Variants in CSMD1 observed in about 807,000 individuals in gnomAD.
CSMD1 encodes CUB and Sushi multiple domains 1, also known as CUB and sushi domain-containing protein 1.
In CSMD1, 213 loss-of-function variants were observed where a neutral mutation model predicts 417.5. The observed-to-expected ratio is 0.51, with a 90% CI of 0.46 to 0.57. CSMD1 has a LOEUF of 0.57. Ranked by LOEUF, CSMD1 falls within the 20% of genes least tolerant of loss-of-function variation. The pLI, the probability that CSMD1 is intolerant of heterozygous loss-of-function variation, is 0.00. For missense variants in CSMD1, 6,923 were observed against 4,529.7 expected (o/e 1.53, Z -15.17); for synonymous variants, 2,862 against 1,736.8 (o/e 1.65, Z -16.11).
chr8:3,771,053 T>C lies in CSMD1; in HGVS notation c.819-17011A>G, dbSNP rs1461018091. On this transcript the variant is annotated intron_variant, in intron 5 of 69. Transcript: ENST00000635120. ...GTCTGCGTGCGTGTGTGTGTTTCAT[T>C]TGCATGTCTGTGGTGGACAATAGTC... Among the ~76,000 whole-genome samples, 4 of 152,136 alleles carry C rather than the reference T, an allele frequency of 2.6e-5. No individual in the cohort carries two copies. In the East Asian group the frequency reaches 7.7e-4, roughly 29 times the overall value.
At chr8:3,373,200 G>A (rs764589519) in intron 18 of CSMD1, among the ~76,000 whole-genome samples, 4 of 152,096 alleles carry the variant, frequency 2.6e-5, no homozygotes, top group Admixed American at 1.3e-4. Context: ...TTTATCCTCT[G>A]TCTTCATATC....
chr8:3,674,149 G>A (rs1486330757), intron 7 of CSMD1, among the ~76,000 whole-genome samples: 1 of 152,130 alleles, frequency 6.6e-6, no homozygotes, highest in Non-Finnish European at 1.5e-5. Flanking sequence ...ATTTGTCAAT[G>A]TTGAGCAACA....
chr8:3,318,553 C>T (rs1435811889), intron 23 of CSMD1, among the ~76,000 whole-genome samples: 1 of 152,190 alleles, frequency 6.6e-6, no homozygotes, highest in Non-Finnish European at 1.5e-5. Context: ...ATTAATTCAA[C>T]ACATACTTAT....
chr8:4,046,671 G>C (rs892807260), intron 3 of CSMD1, among the ~76,000 whole-genome samples: 12 of 152,134 alleles, frequency 7.9e-5, no homozygotes, highest in African/African-American at 2.9e-4. Flanking sequence ...CACTGGGAAT[G>C]TTTATTTCCA....
At chr8:3,791,038 G>C (rs1156605201) in intron 5 of CSMD1, among the ~76,000 whole-genome samples, 1 of 152,148 alleles carries the variant, frequency 6.6e-6, no homozygotes, top group Non-Finnish European at 1.5e-5. Context: ...CTAAAACCAT[G>C]ATCATTTTTA....
At chr8:4,549,349 G>T (rs1797766440) in intron 2 of CSMD1, among the ~76,000 whole-genome samples, 1 of 152,276 alleles carries the variant, frequency 6.6e-6, no homozygotes, top group East Asian at 1.9e-4. Context: ...CAAGAAAAAT[G>T]ACTCTCTAAT....
intron 50 of CSMD1, among the ~76,000 whole-genome samples, chr8:3,032,563 G>T (rs947698619): frequency 6.6e-6 from 1 of 152,014 alleles, no homozygotes; most frequent in Non-Finnish European, 1.5e-5. Context: ...AGAGGGTACT[G>T]AATTCAAATA....
At chr8:3,671,115 ATATGGGATATATATG>A (rs1339944996) in intron 7 of CSMD1, among the ~76,000 whole-genome samples, 1 of 146,946 alleles carries the variant, frequency 6.8e-6, no homozygotes, top group Non-Finnish European at 1.5e-5. Context: ...ATATATATGT[ATATGGGATATATATG>A]TATGGGATAT....
chr8:3,137,562 C>T (rs544685225), intron 41 of CSMD1, among the ~76,000 whole-genome samples: 1 of 152,292 alleles, frequency 6.6e-6, no homozygotes, highest in South Asian at 2.1e-4. Flanking sequence ...ATACAGTTGT[C>T]CCTTGGCTTT....
intron 54 of CSMD1, among the ~76,000 whole-genome samples, chr8:2,996,468 G>A (rs1162008232): frequency 6.6e-6 from 1 of 152,200 alleles, no homozygotes; most frequent in Non-Finnish European, 1.5e-5. Context: ...ACACACGATT[G>A]TGAGGAGCTG....
At chr8:3,541,904 A>C (rs11992415) in intron 10 of CSMD1, among the ~76,000 whole-genome samples, 1,971 of 152,198 alleles carry the variant, frequency 0.013, 48 homozygotes, top group African/African-American at 0.045. Flanking sequence ...TCTACTCAAA[A>C]TACAAACATT....
intron 17 of CSMD1, among the ~76,000 whole-genome samples, chr8:3,395,356 G>C (rs916246294): frequency 2.0e-5 from 3 of 152,164 alleles, no homozygotes; most frequent in Admixed American, 1.3e-4. Context: ...TTTTCAAACA[G>C]AGAAAAGAAT....
At chr8:4,933,340 T>C (rs1384885977) in intron 1 of CSMD1, among the ~76,000 whole-genome samples, 2 of 152,134 alleles carry the variant, frequency 1.3e-5, no homozygotes, top group Non-Finnish European at 2.9e-5. Flanking sequence ...GCCGTTTAAA[T>C]ATAGTATCCC....
At chr8:3,167,870 T>C (rs1194078619) in intron 37 of CSMD1, among the ~76,000 whole-genome samples, 3 of 152,214 alleles carry the variant, frequency 2.0e-5, no homozygotes, top group Non-Finnish European at 4.4e-5. Flanking sequence ...ATTCTGAGAA[T>C]AGTTTGCTTA....
chr8:4,201,329 G>C (rs202018141), intron 3 of CSMD1, among the ~76,000 whole-genome samples: 4 of 152,034 alleles, frequency 2.6e-5, no homozygotes, highest in African/African-American at 9.7e-5. Context: ...ACGAGGTCAG[G>C]AGATCGAGAC....
chr8:4,115,394 C>G (rs547411337), intron 3 of CSMD1, among the ~76,000 whole-genome samples: 71 of 152,318 alleles, frequency 4.7e-4, no homozygotes, highest in African/African-American at 1.6e-3. Flanking sequence ...TTCATATGCA[C>G]TAAGCCAACA....
At chr8:4,910,052 C>G (rs1198617080) in intron 1 of CSMD1, among the ~76,000 whole-genome samples, 1 of 152,226 alleles carries the variant, frequency 6.6e-6, no homozygotes, top group Non-Finnish European at 1.5e-5. Context: ...AGATTCTTAA[C>G]TCCCACTTTC....
At chr8:3,439,121 T>G (rs1337913258) in intron 12 of CSMD1, among the ~76,000 whole-genome samples, 3 of 4,304 alleles carry the variant, frequency 7.0e-4, no homozygotes. Flanking sequence ...AGACTCCATC[T>G]CAAAAAAAAA....
intron 17 of CSMD1, among the ~76,000 whole-genome samples, chr8:3,389,404 A>G (rs533496107): frequency 4.0e-4 from 61 of 152,276 alleles, no homozygotes; most frequent in African/African-American, 1.4e-3. Context: ...TGCTAAGGAT[A>G]ATGACATCCA....
Sources: allele counts gnomAD v4.1 joint callset (sites outside exome capture counted in the v4.1 genomes callset), GRCh38; gene constraint gnomAD v4.1.1; transcripts MANE v1.5; gene names NCBI Gene and HGNC (gene_info 2026-07-23, HGNC 2026-07-21).